Variants in SNX9 observed in about 807,000 individuals in gnomAD.
SNX9 encodes the protein sorting nexin-9.
SNX9 carries 44 observed loss-of-function variants against 89.4 expected under a neutral mutation model. The observed-to-expected ratio is 0.49, with a 90% CI of 0.39 to 0.63. The LOEUF (loss-of-function observed/expected upper bound fraction) is 0.63. SNX9 is among the 30% of genes least tolerant of loss of function. The pLI, the probability that SNX9 is intolerant of heterozygous loss-of-function variation, is 0.00. For missense variants in SNX9, 578 were observed against 736.1 expected (o/e 0.79, Z 2.49); for synonymous variants, 236 against 247.8 (o/e 0.95, Z 0.45).
chr6:157,868,913 G>A (rs1253567204), intron 2 of SNX9, among the ~76,000 whole-genome samples: 3 of 152,110 alleles, frequency 2.0e-5, no homozygotes, highest in Admixed American at 6.5e-5. Context: ...CCACGCCTCC[G>A]CCTCTGGGCC....
intron 4 of SNX9, among the ~76,000 whole-genome samples, chr6:157,892,083 G>GGATGAA (rs1462504813): frequency 6.6e-6 from 1 of 152,020 alleles, no homozygotes; most frequent in Non-Finnish European, 1.5e-5. Flanking sequence ...AAGAGAAAGA[G>GGATGAA]GATGAAGATG....
chr6:157,839,707 T>A (rs1781657163), intron 1 of SNX9, among the ~76,000 whole-genome samples: 1 of 152,202 alleles, frequency 6.6e-6, no homozygotes, highest in Admixed American at 6.5e-5. Flanking sequence ...AAGCATAATT[T>A]GAGGGTGGGG....
At chr6:157,923,939 A>G (rs1404074305) in intron 10 of SNX9, among the ~76,000 whole-genome samples, 1 of 152,224 alleles carries the variant, frequency 6.6e-6, no homozygotes, top group African/African-American at 2.4e-5. Flanking sequence ...TGATATTGTT[A>G]TGTTTTTAAA....
At chr6:157,914,748 G>T (rs1365211047) in intron 9 of SNX9, among the ~76,000 whole-genome samples, 1 of 152,108 alleles carries the variant, frequency 6.6e-6, no homozygotes, top group Non-Finnish European at 1.5e-5. Flanking sequence ...AAAGTGTTGG[G>T]ATTAGAGGCA....
chr6:157,876,311 G>A (rs1782519731), intron 4 of SNX9, among the ~76,000 whole-genome samples: 1 of 152,166 alleles, frequency 6.6e-6, no homozygotes, highest in South Asian at 2.1e-4. Context: ...AATTAGCTAG[G>A]TGTGGTGGCA....
chr6:157,906,814 T>C (rs1783226358), intron 7 of SNX9, among the ~76,000 whole-genome samples: 1 of 152,200 alleles, frequency 6.6e-6, no homozygotes, highest in Non-Finnish European at 1.5e-5. Context: ...CTAGGTGATA[T>C]TTAGTTGTAG....
rs571763814 is a variant in SNX9 at position 157,942,642 on chromosome 6, G to A, written c.1741-149G>A. ...ATTCGGGGTTAAGGTCTGTCCAGCA[G>A]CAACGCGGGGCAGGGCTGGTGCCAA... On this transcript the variant is annotated intron_variant, in intron 17 of 17. Coordinates refer to ENST00000392185, the MANE Select transcript of SNX9 (RefSeq NM_016224.5). 1.0e-5 allele frequency: 8 copies of A among 786,382 alleles called. No homozygotes were observed. In the East Asian group the frequency reaches 2.0e-4, roughly 19 times the overall value. 48.7% of individuals were successfully genotyped at this position (786,382 alleles called of 1,614,324 possible).
chr6:157,829,497 C>G (rs1262686447), intron 1 of SNX9: 1 of 152,162 alleles, frequency 6.6e-6, no homozygotes, highest in African/African-American at 2.4e-5. Flanking sequence ...TCTGTATGCT[C>G]TATGTCCACT....
intron 1 of SNX9, among the ~76,000 whole-genome samples, chr6:157,860,847 GT>G (rs1389866516): frequency 6.6e-6 from 1 of 152,180 alleles, no homozygotes; most frequent in Non-Finnish European, 1.5e-5. Context: ...CCCTAGAATT[GT>G]ACAGTCGCCT....
At chr6:157,839,958 C>T (rs1472404966) in intron 1 of SNX9, among the ~76,000 whole-genome samples, 4 of 152,250 alleles carry the variant, frequency 2.6e-5, no homozygotes, top group South Asian at 2.1e-4. Flanking sequence ...CTATCCTCTC[C>T]GGTTGTTTCA....
At chr6:157,840,445 TC>T (rs1235735397) in intron 1 of SNX9, among the ~76,000 whole-genome samples, 6 of 151,140 alleles carry the variant, frequency 4.0e-5, no homozygotes, top group Admixed American at 6.6e-5. Flanking sequence ...TTCCTTTCTT[TC>T]CTTTCCTTCC....
At chr6:157,886,737 C>T (rs1158036946) in intron 4 of SNX9, among the ~76,000 whole-genome samples, 1 of 152,146 alleles carries the variant, frequency 6.6e-6, no homozygotes, top group African/African-American at 2.4e-5. Context: ...TCCTTAATTG[C>T]CATGTTTCAA....
chr6:157,900,176 C>G (rs112712731), intron 5 of SNX9, among the ~76,000 whole-genome samples: 195 of 152,166 alleles, frequency 1.3e-3, no homozygotes, highest in African/African-American at 3.6e-3. Flanking sequence ...GTTAAAAGTT[C>G]CACATGTAAA....
At chr6:157,882,106 C>T (rs112382880) in intron 4 of SNX9, among the ~76,000 whole-genome samples, 15 of 152,118 alleles carry the variant, frequency 9.9e-5, no homozygotes, top group African/African-American at 1.7e-4. Context: ...GGGGCTAATG[C>T]GGCTGGTAAC....
Position 157,936,032 on chromosome 6 carries a change from G to C in SNX9, c.1435G>C (p.Ala479Pro). The C allele has an allele frequency of 6.2e-7, 1 of 1,611,284 alleles. No homozygotes were observed. Reference protein sequence around the residue: ...KTYEEIASLVAEQPKKDLHFL... With the variant: ...KTYEEIASLVPEQPKKDLHFL... Reference sequence around the variant, plus strand: ...TTATGAAGAAATTGCCAGTCTCGTGGCAGAACAGGTACTAACATAATCACA... The same window carrying C: ...TTATGAAGAAATTGCCAGTCTCGTGCCAGAACAGGTACTAACATAATCACA... Residue 479 changes from alanine (A) to proline (P), a missense_variant, in exon 14 of 18, where the codon GCA becomes CCA. Ala to Pro is a conservative substitution (Grantham distance 27). This residue lies in a region of SNX9 where 348 missense variants were observed against 491.4 expected (regional missense o/e 0.71). Transcript: ENST00000392185.
chr6:157,913,962 C>T (rs1473227056), intron 9 of SNX9, among the ~76,000 whole-genome samples: 1 of 152,056 alleles, frequency 6.6e-6, no homozygotes, highest in Non-Finnish European at 1.5e-5. Flanking sequence ...CATTTGCATA[C>T]AGGTTTTTGT....
intron 1 of SNX9, among the ~76,000 whole-genome samples, chr6:157,834,169 T>TTG (rs1562588800): frequency 6.7e-5 from 8 of 119,416 alleles, no homozygotes; most frequent in African/African-American, 2.3e-4. Context: ...TTTTTTTTTT[T>TTG]TTTTTTTTTT....
chr6:157,890,879 C>T (rs1782843287), intron 4 of SNX9, among the ~76,000 whole-genome samples: 1 of 152,050 alleles, frequency 6.6e-6, no homozygotes, highest in Admixed American at 6.6e-5. Flanking sequence ...TAGATTTTAC[C>T]ATTCCCATTT....
chr6:157,844,961 A>G (rs1478281134), intron 1 of SNX9, among the ~76,000 whole-genome samples: 1 of 152,166 alleles, frequency 6.6e-6, no homozygotes, highest in Non-Finnish European at 1.5e-5. Context: ...GCCTGCGTCC[A>G]GGAGTGAACA....
Sources: allele counts gnomAD v4.1 joint callset (sites outside exome capture counted in the v4.1 genomes callset), GRCh38; gene constraint gnomAD v4.1.1; regional missense constraint gnomAD v4.1.1; transcripts MANE v1.5; gene names NCBI Gene and HGNC (gene_info 2026-07-23, HGNC 2026-07-21).